The following PCDHGA2 variants were observed in gnomAD, a reference collection of about 807,000 sequenced individuals.
PCDHGA2 encodes protocadherin gamma subfamily A, 2, also known as protocadherin gamma-A2.
PCDHGA2 carries 40 observed loss-of-function variants against 59.2 expected under a neutral mutation model. The ratio of observed to expected loss-of-function variants is 0.68; its 90% CI spans 0.52 to 0.88. PCDHGA2 has a LOEUF of 0.88. Ranked by LOEUF, PCDHGA2 falls within the 40% of genes least tolerant of loss-of-function variation. The pLI, the probability that PCDHGA2 is intolerant of heterozygous loss-of-function variation, is 0.00. For missense variants in PCDHGA2, 1,226 were observed against 1,204.0 expected (o/e 1.02, Z -0.27); for synonymous variants, 560 against 526.0 (o/e 1.06, Z -0.89).
chr5:141,368,555 A>G (rs1400384896), intron 1 of PCDHGA2, among the ~76,000 whole-genome samples: 1 of 152,208 alleles, frequency 6.6e-6, no homozygotes, highest in Non-Finnish European at 1.5e-5. Context: ...TTTTAAAAGA[A>G]AATGTTATAT....
rs1432960207 is a variant in PCDHGA2, at chr5:141,477,648, C to A, written c.2425-17159C>A. On this transcript the variant is annotated intron_variant, in intron 1 of 3. Coordinates refer to ENST00000394576, the MANE Select transcript of PCDHGA2 (RefSeq NM_018915.4). This position sits in a 1 kb window ranked among gnomAD's most constrained non-coding sequence, Gnocchi z 4.9. ...ACCGGGCTAGTGGGTCGCTATTTCA[C>A]AATAAATCGTGACAATGGCATAGTG... is the stretch of plus-strand genomic sequence containing the variant. 7 of 1,614,046 alleles carry A rather than the reference C, an allele frequency of 4.3e-6. No homozygotes were observed. Among genetic ancestry groups the A allele is most frequent in the Non-Finnish European group, 5.9e-6 (7 of 1,180,044 alleles).
At chr5:141,420,458 CAA>C (rs1269245240) in intron 1 of PCDHGA2, 1 of 925,076 alleles carries the variant, frequency 1.1e-6, no homozygotes, top group Non-Finnish European at 1.5e-6. Context: ...TCCTACTATT[CAA>C]AGACATTTTA....
chr5:141,431,002 C>A lies in PCDHGA2; in HGVS notation c.2425-63805C>A, dbSNP rs1055964066. The A allele has an allele frequency of 6.2e-7, 1 of 1,613,836 alleles. No individual in the cohort carries two copies. Among genetic ancestry groups the A allele is most frequent in the Admixed American group, 1.7e-5 (1 of 59,990 alleles). The stretch of plus-strand genomic sequence containing the variant: ...AGCTTTTCGCCCTGAATCCGCGCAG[C>A]GGCAGCTTGGTCACGGCGGGCAGGA... On this transcript the variant is annotated intron_variant, in intron 1 of 3. Transcript: ENST00000394576. The surrounding 1 kb of genome is among the most constrained non-coding windows in gnomAD (Gnocchi z 4.8).
At chr5:141,413,115 A>C in intron 1 of PCDHGA2, 1 of 1,507,478 alleles carries the variant, frequency 6.6e-7, no homozygotes, top group Non-Finnish European at 8.9e-7. Context: ...AGACAAAGGA[A>C]CCGGTTGAAA....
intron 1 of PCDHGA2, chr5:141,344,226 C>T: frequency 1.2e-6 from 2 of 1,614,026 alleles, no homozygotes; most frequent in South Asian, 1.1e-5. Flanking sequence ...GCGCGGAGTC[C>T]GCATCGTCTC....
chr5:141,421,734 G>A (rs761780459), intron 1 of PCDHGA2: 1 of 1,613,948 alleles, frequency 6.2e-7, no homozygotes, highest in Non-Finnish European at 8.5e-7. Flanking sequence ...ACTCCCTCCA[G>A]AGCTACCAGC....
intron 1 of PCDHGA2, chr5:141,388,717 C>T (rs544297444): frequency 2.5e-6 from 4 of 1,614,022 alleles, no homozygotes; most frequent in Non-Finnish European, 3.4e-6. Context: ...GCCGAGATTA[C>T]TTTCTCTTTC....
At chr5:141,423,750 TGGGGGGGG>T in intron 1 of PCDHGA2, 1 of 287,524 alleles carries the variant, frequency 3.5e-6, no homozygotes, top group Non-Finnish European at 4.5e-6. Flanking sequence ...GAAAACTGTT[TGGGGGGGG>T]GGTGGGGCGG....
intron 1 of PCDHGA2, chr5:141,362,530 C>A: frequency 6.2e-7 from 1 of 1,613,936 alleles, no homozygotes. Context: ...CGCTGGGGTC[C>A]CTTTTGCCTC....
intron 1 of PCDHGA2, among the ~76,000 whole-genome samples, chr5:141,443,656 A>G (rs139300845): frequency 1.3e-5 from 2 of 152,374 alleles, no homozygotes; most frequent in East Asian, 3.8e-4. Flanking sequence ...TTAGCATAGC[A>G]TTTTACTGAA....
At chr5:141,356,892 C>T in intron 1 of PCDHGA2, 5 of 1,614,200 alleles carry the variant, frequency 3.1e-6, no homozygotes, top group Non-Finnish European at 4.2e-6. Flanking sequence ...AGATCCTGTA[C>T]CCCACCTTCC....
intron 1 of PCDHGA2, chr5:141,391,260 A>G (rs2092328802): frequency 1.3e-5 from 2 of 152,128 alleles, no homozygotes; most frequent in African/African-American, 4.8e-5. Flanking sequence ...TGCTTCAGTT[A>G]ATGGCCACTT....
chr5:141,422,390 C>T, intron 1 of PCDHGA2: 1 of 1,591,016 alleles, frequency 6.3e-7, no homozygotes, highest in Non-Finnish European at 8.5e-7. Flanking sequence ...TGTTTTATTC[C>T]TAACCACCTG....
chr5:141,492,575 C>T (rs1213639439), intron 1 of PCDHGA2, among the ~76,000 whole-genome samples: 1 of 152,218 alleles, frequency 6.6e-6, no homozygotes, highest in South Asian at 2.1e-4. Flanking sequence ...GAGCGAGGCG[C>T]GGGGCCAGGA....
intron 1 of PCDHGA2, chr5:141,409,789 G>T: frequency 6.2e-7 from 1 of 1,612,036 alleles, no homozygotes; most frequent in Non-Finnish European, 8.5e-7. Context: ...GCGCCTTCGC[G>T]CTCACGCTGC....
chr5:141,399,602 T>G, intron 1 of PCDHGA2: 1 of 1,613,956 alleles, frequency 6.2e-7, no homozygotes, highest in South Asian at 1.1e-5. Context: ...GCCAGCGACC[T>G]AGAGCCTCTG....
At chr5:141,509,720 A>G (rs916316577) in intron 3 of PCDHGA2, among the ~76,000 whole-genome samples, 6 of 151,974 alleles carry the variant, frequency 3.9e-5, no homozygotes, top group Admixed American at 3.3e-4. Context: ...GTCTGATGTC[A>G]CCTAGCTGTG....
chr5:141,501,902 C>G (rs2154593013), intron 2 of PCDHGA2, among the ~76,000 whole-genome samples: 1 of 152,202 alleles, frequency 6.6e-6, no homozygotes, highest in East Asian at 1.9e-4. Flanking sequence ...GGTTCCAACC[C>G]CACTGTTCCA....
At chr5:141,389,091 G>A (rs1303132964) in intron 1 of PCDHGA2, 1 of 1,614,038 alleles carries the variant, frequency 6.2e-7, no homozygotes, top group Non-Finnish European at 8.5e-7. Flanking sequence ...GTATAAATTA[G>A]TGACAGATGC....
Sources: allele counts gnomAD v4.1 joint callset (sites outside exome capture counted in the v4.1 genomes callset), GRCh38; gene constraint gnomAD v4.1.1; non-coding constraint Gnocchi (gnomAD v3.1); transcripts MANE v1.5; gene names NCBI Gene and HGNC (gene_info 2026-07-23, HGNC 2026-07-21).